Variants in FOXP1 observed in about 807,000 individuals in gnomAD.
FOXP1 encodes forkhead box P1.
Under a neutral mutation model 98.2 loss-of-function variants are expected in FOXP1, and 15 were observed. That is an observed-to-expected ratio of 0.15 (90% CI 0.10 to 0.24). The LOEUF (loss-of-function observed/expected upper bound fraction) is 0.24, where lower values mean the gene tolerates loss of function less well. Ranked by LOEUF, FOXP1 falls within the 10% of genes least tolerant of loss-of-function variation. The pLI is 1.00. For missense variants in FOXP1, 633 were observed against 848.5 expected, an observed-to-expected ratio of 0.75 and a Z score of 3.15; for synonymous variants, 371 against 314.5, an observed-to-expected ratio of 1.18 and a Z score of -1.90.
chr3:71,035,735 A>G (rs1293181518), intron 11 of FOXP1, among the ~76,000 whole-genome samples: 2 of 152,224 alleles, frequency 1.3e-5, no homozygotes, highest in Admixed American at 1.3e-4. Flanking sequence ...CAGTATTTCA[A>G]ATCAAAATAA....
chr3:71,208,814 A>G (rs933071633), intron 5 of FOXP1, among the ~76,000 whole-genome samples: 2 of 152,188 alleles, frequency 1.3e-5, no homozygotes, highest in African/African-American at 4.8e-5. Flanking sequence ...CTCTTTGAGA[A>G]TCAAGGTCGA....
At chr3:71,082,262 C>G (rs1219001822) in intron 7 of FOXP1, among the ~76,000 whole-genome samples, 2 of 141,102 alleles carry the variant, frequency 1.4e-5, no homozygotes, top group Non-Finnish European at 3.0e-5. Context: ...CTGGGTGACA[C>G]AGTGAGACTC....
At chr3:70,973,832 A>ACCCCCCCCCCC (rs2036885280) in intron 17 of FOXP1, among the ~76,000 whole-genome samples, 2 of 17,910 alleles carry the variant, frequency 1.1e-4, no homozygotes, top group African/African-American at 2.5e-4. Flanking sequence ...CGTTTTGCAC[A>ACCCCCCCCCCC]CCGCCCCCCC....
At chr3:71,064,628 C>CCCTCCCCGCCTCCACTT (rs1176692843) in intron 7 of FOXP1, among the ~76,000 whole-genome samples, 3,526 of 152,022 alleles carry the variant, frequency 0.023, 153 homozygotes, top group African/African-American at 0.081. Context: ...CCCCTCCACT[C>CCCTCCCCGCCTCCACTT]CCTCCCCGCC....
At chr3:71,082,656 A>AC (rs2054580235) in intron 7 of FOXP1, among the ~76,000 whole-genome samples, 1 of 150,624 alleles carries the variant, frequency 6.6e-6, no homozygotes, top group African/African-American at 2.5e-5. Flanking sequence ...AACAACAACA[A>AC]AAAAAAAACA....
chr3:71,239,962 G>A (rs1047366981), intron 5 of FOXP1, among the ~76,000 whole-genome samples: 1 of 152,324 alleles, frequency 6.6e-6, no homozygotes, highest in Admixed American at 6.5e-5. Context: ...TCCTATCAGA[G>A]AACTGCTGGG....
intron 4 of FOXP1, among the ~76,000 whole-genome samples, chr3:71,340,628 G>A (rs940023580): frequency 1.3e-5 from 2 of 152,174 alleles, no homozygotes; most frequent in African/African-American, 2.4e-5. Context: ...TAGTGGAGAC[G>A]AAACAATGAT....
chr3:71,165,481 C>G (rs992410465), intron 6 of FOXP1, among the ~76,000 whole-genome samples: 2 of 152,082 alleles, frequency 1.3e-5, no homozygotes, highest in African/African-American at 4.8e-5. Flanking sequence ...ATAATTTTTT[C>G]TTAGGTGTGA....
intron 2 of FOXP1, among the ~76,000 whole-genome samples, chr3:71,529,351 T>C (rs1161861091): frequency 1.3e-5 from 2 of 152,170 alleles, no homozygotes; most frequent in South Asian, 2.1e-4. Flanking sequence ...CTTTGGAAAA[T>C]TGCATCAAAC....
At chr3:71,289,965 T>C (rs1370103627) in intron 5 of FOXP1, 1 of 152,218 alleles carries the variant, frequency 6.6e-6, no homozygotes, top group African/African-American at 2.4e-5. Context: ...ATACCACTGC[T>C]TCCTTGGTGA....
chr3:71,112,687 G>C (rs17008224), intron 6 of FOXP1, 50 bp from the exon 7 acceptor site: 2 of 1,373,622 alleles, frequency 1.5e-6, no homozygotes, highest in Non-Finnish European at 2.1e-6. Flanking sequence ...AGGTTCAGGG[G>C]ACTCTTCATA....
intron 2 of FOXP1, among the ~76,000 whole-genome samples, chr3:71,520,528 G>A (rs1173397371): frequency 1.3e-5 from 2 of 152,178 alleles, no homozygotes; most frequent in African/African-American, 4.8e-5. Flanking sequence ...TCTTTACAAG[G>A]ATATAAGGGG....
chr3:71,360,128 T>G (rs2078453945), intron 3 of FOXP1, among the ~76,000 whole-genome samples: 1 of 152,176 alleles, frequency 6.6e-6, no homozygotes, highest in Admixed American at 6.5e-5. Flanking sequence ...ATTCTCATAA[T>G]TACAGTGCTA....
At chr3:71,448,135 T>C (rs2086620622) in intron 3 of FOXP1, among the ~76,000 whole-genome samples, 1 of 152,054 alleles carries the variant, frequency 6.6e-6, no homozygotes, top group Non-Finnish European at 1.5e-5. Flanking sequence ...AGCACAGAAA[T>C]AGACTCCTTC....
At chr3:71,436,256 T>A (rs1486357803) in intron 3 of FOXP1, among the ~76,000 whole-genome samples, 1 of 152,068 alleles carries the variant, frequency 6.6e-6, no homozygotes, top group Non-Finnish European at 1.5e-5. Flanking sequence ...TTACACATGT[T>A]CACAATCCCT....
chr3:71,361,009 T>G (rs989676335), intron 3 of FOXP1, among the ~76,000 whole-genome samples: 14 of 152,216 alleles, frequency 9.2e-5, no homozygotes, highest in Non-Finnish European at 1.5e-5. Flanking sequence ...AGGTATCTGG[T>G]GTCTAGTGTG....
chr3:71,393,691 A>T (rs1426634027), intron 3 of FOXP1, among the ~76,000 whole-genome samples: 2 of 152,228 alleles, frequency 1.3e-5, no homozygotes, highest in Non-Finnish European at 2.9e-5. Flanking sequence ...TAAACTTAAC[A>T]AGAAAGTCTT....
At chr3:71,308,577 T>C (rs2074444951) in intron 4 of FOXP1, among the ~76,000 whole-genome samples, 2 of 152,132 alleles carry the variant, frequency 1.3e-5, no homozygotes, top group Non-Finnish European at 2.9e-5. Flanking sequence ...TTTCCTGTTT[T>C]CTCATCAGGG....
At chr3:71,133,911 A>G (rs2059693796) in intron 6 of FOXP1, among the ~76,000 whole-genome samples, 1 of 152,126 alleles carries the variant, frequency 6.6e-6, no homozygotes, top group Admixed American at 6.5e-5. Flanking sequence ...ACTCTATAGT[A>G]TTTCCTAGTA....
Sources: gnomAD v4.1 joint callset for allele counts (sites outside exome capture counted in the v4.1 genomes callset) on GRCh38, gnomAD v4.1.1 for gene constraint, MANE v1.5 for transcripts, NCBI Gene and HGNC (gene_info 2026-07-23, HGNC 2026-07-21) for gene names.